The following DPEP1 variants were observed in gnomAD, a reference collection of about 807,000 sequenced individuals.
DPEP1 encodes dipeptidase 1.
In DPEP1, 50 loss-of-function variants were observed where a neutral mutation model predicts 42.3. The observed-to-expected ratio is 1.18, with a 90% CI of 0.94 to 1.50. DPEP1 has a LOEUF of 1.50. Ranked by LOEUF, DPEP1 falls within the 40% of genes most tolerant of loss-of-function variation. The probability of loss-of-function intolerance (pLI) is 0.00; values close to 1 mark genes in which losing one functional copy is unlikely to be tolerated. For synonymous variants in DPEP1, 297 were observed against 234.0 expected, an observed-to-expected ratio of 1.27 and a Z score of -2.46; for missense variants, 663 against 553.0, an observed-to-expected ratio of 1.20 and a Z score of -1.99.
At chr16:89,615,514 C>T (rs1227396476) in intron 1 of DPEP1, among the ~76,000 whole-genome samples, 1 of 152,222 alleles carries the variant, frequency 6.6e-6, no homozygotes, top group East Asian at 1.9e-4. Flanking sequence ...CAGCCTTGCT[C>T]TCAGGGGTGA....
intron 1 of DPEP1, chr16:89,616,906 A>C (rs1597738612): frequency 4.3e-6 from 1 of 234,042 alleles, no homozygotes; most frequent in East Asian, 1.6e-4. Context: ...GAGAGCGGCC[A>C]GGAAGCGGGT....
chr16:89,625,213 T>C (rs1216671000), intron 1 of DPEP1, among the ~76,000 whole-genome samples: 1 of 152,050 alleles, frequency 6.6e-6, no homozygotes, highest in African/African-American at 2.4e-5. Flanking sequence ...AGCGTCCCAT[T>C]CCCTGCCCCA....
At chr16:89,633,847 G>T (rs1451324816) in intron 2 of DPEP1, among the ~76,000 whole-genome samples, 3 of 152,130 alleles carry the variant, frequency 2.0e-5, no homozygotes, top group Non-Finnish European at 4.4e-5. Context: ...TCATCCCAGC[G>T]CACACCCTCA....
chr16:89,627,318 C>T (rs2059527384), intron 1 of DPEP1, among the ~76,000 whole-genome samples: 1 of 149,838 alleles, frequency 6.7e-6, no homozygotes, highest in Admixed American at 6.7e-5. Context: ...CATGGTGGCT[C>T]ACACCTGTAA....
intron 3 of DPEP1, 102 bp from the exon 4 acceptor site, chr16:89,636,162 G>A: frequency 1.3e-6 from 2 of 1,550,690 alleles, no homozygotes; most frequent in South Asian, 1.2e-5. Context: ...CCCAGGCCGA[G>A]GGAGGGCTTC....
At position 89,614,266 on chromosome 16, in the gene DPEP1, G is replaced by C. The variant is rs115941338; in HGVS notation, c.-107+547G>C. 9.2e-5 allele frequency among the ~76,000 whole-genome samples: 14 copies of C among 152,246 alleles called. No homozygotes were observed. The East Asian group carries it at 2.7e-3, about 29-fold the overall frequency. The stretch of plus-strand genomic sequence containing the variant: ...CACAACCCCGCTTGTCCACTGTGCC[G>C]GCTGTTCCTTCCTTGTGGCGCCCAG... On this transcript the variant is annotated intron_variant, in intron 1 of 10. Transcript: ENST00000690203.
chr16:89,623,789 T>C (rs1004901152), intron 1 of DPEP1, among the ~76,000 whole-genome samples: 1 of 151,986 alleles, frequency 6.6e-6, no homozygotes, highest in Admixed American at 6.6e-5. Flanking sequence ...CCTGAAACCC[T>C]GGCCAGACGG....
At chr16:89,635,877 G>A in intron 2 of DPEP1, 31 bp from the exon 3 acceptor site, 1 of 1,566,608 alleles carries the variant, frequency 6.4e-7, no homozygotes, top group Non-Finnish European at 8.6e-7. Context: ...TGGCCGCCCT[G>A]ACTGCCTGGC....
chr16:89,618,313 C>T (rs74767091), intron 1 of DPEP1, among the ~76,000 whole-genome samples: 5,690 of 152,164 alleles, frequency 0.037, 347 homozygotes, highest in African/African-American at 0.13. Context: ...ACCTCCTGGA[C>T]TCAAGCCATC....
At chr16:89,624,532 G>T (rs1214191912) in intron 1 of DPEP1, among the ~76,000 whole-genome samples, 1 of 132,448 alleles carries the variant, frequency 7.6e-6, no homozygotes, top group Non-Finnish European at 1.8e-5. Context: ...AGTTTTCTGG[G>T]GTTTGTTTTT....
chr16:89,633,317 G>A (rs575521115), intron 2 of DPEP1, among the ~76,000 whole-genome samples: 2 of 152,362 alleles, frequency 1.3e-5, no homozygotes, highest in South Asian at 2.1e-4. Flanking sequence ...GCTGACGCAG[G>A]AGCTTTGGGA....
chr16:89,616,343 A>C (rs1701835459), intron 1 of DPEP1, among the ~76,000 whole-genome samples: 1 of 152,186 alleles, frequency 6.6e-6, no homozygotes, highest in Non-Finnish European at 1.5e-5. Flanking sequence ...GACCGGGCAC[A>C]GTTTCACAGA....
chr16:89,640,604 G>A (rs1198384415), downstream of DPEP1: 6 of 982,124 alleles, frequency 6.1e-6, no homozygotes, highest in Non-Finnish European at 6.0e-6. Context: ...CCTGGCTGCT[G>A]ATCATCCAGG....
chr16:89,640,016 G>A (rs962946223), downstream of DPEP1, among the ~76,000 whole-genome samples: 6 of 152,298 alleles, frequency 3.9e-5, no homozygotes, highest in South Asian at 6.2e-4. Flanking sequence ...CTGCATCGGC[G>A]TGGCCCCCAG....
chr16:89,635,952 G>C lies in DPEP1; in HGVS notation c.149G>C (p.Arg50Pro), dbSNP rs764229870. ...CAGCTGCTGGATATGTTCAACAACC[G>C]GCTGCAGGACGAGAGGGCCAACCTG... ...PWQLLDMFNN[R>P]LQDERANLTT... Residue 50 changes from arginine to proline, a missense_variant, in exon 3 of 11, where the codon CGG becomes CCG. Transcript: ENST00000690203. 2 of 1,611,786 alleles carry C rather than the reference G, an allele frequency of 1.2e-6. No homozygotes were observed. The highest frequency in any genetic ancestry group is 3.3e-5 in the Admixed American group (2 of 59,862).
chr16:89,632,742 C>G (rs935916283), intron 2 of DPEP1, among the ~76,000 whole-genome samples: 4 of 152,132 alleles, frequency 2.6e-5, no homozygotes, highest in African/African-American at 9.7e-5. Flanking sequence ...GCCCCACCTT[C>G]CCATCGTTTT....
chr16:89,621,197 A>T (rs2059443143), intron 1 of DPEP1, among the ~76,000 whole-genome samples: 1 of 151,524 alleles, frequency 6.6e-6, no homozygotes, highest in Non-Finnish European at 1.5e-5. Flanking sequence ...GCCTGTTGGG[A>T]AGTCCCTGAG....
chr16:89,637,836 G>C lies in DPEP1; in HGVS notation c.930G>C (p.Arg310Ser), dbSNP rs1361190519. Reference protein sequence around the residue: ...GFGGDFDGVPRVPEGLEDVSK... With the variant: ...GFGGDFDGVPSVPEGLEDVSK... The stretch of plus-strand genomic sequence containing the variant: ...CCAGGTTCTCCTGGCCTCAACACAG[G>C]GTCCCTGAGGGGCTGGAGGACGTCT... The change falls in exon 10 of 11, where the codon AGG (arginine) becomes AGC (serine). Residue 310 changes from arginine (R) to serine (S), a missense_variant and splice_region_variant. By Grantham distance (110) the Arg-to-Ser change is moderately radical. Coordinates refer to ENST00000690203, the MANE Select transcript of DPEP1 (RefSeq NM_001389466.1). 20 of 1,612,622 alleles carry C rather than the reference G, an allele frequency of 1.2e-5. No individual in the cohort carries two copies. Among genetic ancestry groups the C allele is most frequent in the Non-Finnish European group, 1.6e-5 (19 of 1,179,912 alleles).
At position 89,636,917 on chromosome 16, in the gene DPEP1, C is replaced by G. The variant is rs1372035370; in HGVS notation, c.573C>G (p.Gly191=). Residue 191 remains glycine (G), a synonymous_variant, in exon 6 of 11, where the codon GGC becomes GGG. Coordinates refer to ENST00000690203, the MANE Select transcript of DPEP1 (RefSeq NM_001389466.1). Reference sequence around the variant, plus strand: ...GAGACAGCGAGCCCCAGAGCCAAGGCTTGTCACCCTTTGGGCAGGTGAGTG... The same window carrying G: ...GAGACAGCGAGCCCCAGAGCCAAGGGTTGTCACCCTTTGGGCAGGTGAGTG... ...DTGDSEPQSQ[G]LSPFGQRVVK... is the part of the protein sequence containing the mutation. 6.2e-7 allele frequency: 1 copy of G among 1,612,518 alleles called. No homozygotes were observed. Among genetic ancestry groups the G allele is most frequent in the Non-Finnish European group, 8.5e-7 (1 of 1,179,924 alleles).
Sources: gnomAD v4.1 joint callset for allele counts (sites outside exome capture counted in the v4.1 genomes callset) on GRCh38, gnomAD v4.1.1 for gene constraint, MANE v1.5 for transcripts, NCBI Gene and HGNC (gene_info 2026-07-23, HGNC 2026-07-21) for gene names.